The following PCCA variants were observed in gnomAD, a reference collection of about 807,000 sequenced individuals.
The protein encoded by PCCA is propionyl-CoA carboxylase alpha chain, mitochondrial.
In PCCA, 74 loss-of-function variants were observed where a neutral mutation model predicts 101.3. The observed-to-expected ratio is 0.73, with a 90% CI of 0.61 to 0.89. The LOEUF is 0.89. Ranked by LOEUF, PCCA falls within the 40% of genes least tolerant of loss-of-function variation. PCCA has a pLI of 0.00. For missense variants in PCCA, 891 were observed against 907.0 expected (o/e 0.98, Z 0.23); for synonymous variants, 294 against 313.6 (o/e 0.94, Z 0.66).
chr13:100,133,538 C>T (rs868760333), intron 4 of PCCA, among the ~76,000 whole-genome samples: 3 of 152,136 alleles, frequency 2.0e-5, no homozygotes, highest in Admixed American at 6.5e-5. Flanking sequence ...GATATGTGAT[C>T]CATCTTGAGT....
At chr13:100,495,064 C>T (rs989757509) in intron 21 of PCCA, among the ~76,000 whole-genome samples, 32 of 151,864 alleles carry the variant, frequency 2.1e-4, no homozygotes, top group Non-Finnish European at 5.9e-5. Context: ...CGGGCATATT[C>T]GGCAATGTCT....
intron 10 of PCCA, among the ~76,000 whole-genome samples, chr13:100,266,787 G>C (rs936852241): frequency 6.6e-6 from 1 of 151,936 alleles, no homozygotes; most frequent in Non-Finnish European, 1.5e-5. Flanking sequence ...GCATTTCCTG[G>C]GTTGGGTCTA....
At chr13:100,132,412 G>A (rs141794777) in intron 4 of PCCA, among the ~76,000 whole-genome samples, 2 of 141,452 alleles carry the variant, frequency 1.4e-5, no homozygotes, top group African/African-American at 2.7e-5. Flanking sequence ...TCCACACAGC[G>A]TGTAACCTTT....
chr13:100,431,844 TGACAGAGTGA>T lies in PCCA; in HGVS notation c.1845+6117_1845+6126del, dbSNP rs537485437. Among the ~76,000 whole-genome samples the T allele has an allele frequency of 4.2e-4, 63 of 150,682 alleles. 1 individual carries two copies. Among genetic ancestry groups the T allele is most frequent in the African/African-American group, 1.4e-3 (58 of 40,920 alleles). The stretch of plus-strand genomic sequence containing the variant: ...TCGCGCCACTGCACTCCAGCCTGGG[TGACAGAGTGA>T]GACTCCATCTCAAAAAAAATAATAA... On this transcript the variant is annotated intron_variant, in intron 20 of 23. Coordinates refer to ENST00000376285, the MANE Select transcript of PCCA (RefSeq NM_000282.4).
chr13:100,348,727 C>CTTT, intron 18 of PCCA, among the ~76,000 whole-genome samples: 1 of 99,620 alleles, frequency 1.0e-5, no homozygotes, highest in African/African-American at 3.9e-5. Context: ...CGTTTTTTTT[C>CTTT]CTTTCTTTCT....
chr13:100,218,489 T>C (rs2059641306), intron 7 of PCCA, among the ~76,000 whole-genome samples: 1 of 152,180 alleles, frequency 6.6e-6, no homozygotes, highest in African/African-American at 2.4e-5. Flanking sequence ...GCCATATGTC[T>C]GTTTTTTAAG....
rs1012159254 is a variant in PCCA at position 100,316,629 on chromosome 13, A to G, written c.1429+6721A>G. ...TTGTCATTAACTATTTCTGAAAACT[A>G]TATTGTATTTTACTGATGACAGAGT... On this transcript the variant is annotated intron_variant, in intron 16 of 23. Transcript: ENST00000376285. Among the ~76,000 whole-genome samples the G allele has an allele frequency of 2.6e-5, 4 of 152,158 alleles. No homozygotes were observed. In the East Asian group the frequency reaches 5.8e-4, roughly 22 times the overall value.
intron 6 of PCCA, among the ~76,000 whole-genome samples, chr13:100,162,023 C>A (rs986760478): frequency 6.6e-5 from 10 of 151,826 alleles, no homozygotes; most frequent in African/African-American, 2.4e-4. Context: ...CGAAACAAGA[C>A]CCCAATTTAA....
chr13:100,300,261 A>G (rs951518526), intron 12 of PCCA, among the ~76,000 whole-genome samples: 6 of 152,236 alleles, frequency 3.9e-5, no homozygotes, highest in Non-Finnish European at 8.8e-5. Flanking sequence ...AATTATGTCA[A>G]AATGTCTTAA....
chr13:100,301,974 A>G (rs1474836907), intron 13 of PCCA, among the ~76,000 whole-genome samples: 1 of 152,154 alleles, frequency 6.6e-6, no homozygotes, highest in African/African-American at 2.4e-5. Flanking sequence ...GGGTTTTTTA[A>G]AAAAATGCCC....
intron 18 of PCCA, among the ~76,000 whole-genome samples, chr13:100,347,896 C>A (rs1365028882): frequency 6.6e-6 from 1 of 152,114 alleles, no homozygotes; most frequent in African/African-American, 2.4e-5. Context: ...AATTGCTACA[C>A]CCTATAACAG....
At chr13:100,311,869 G>A (rs923145905) in intron 16 of PCCA, among the ~76,000 whole-genome samples, 10 of 152,122 alleles carry the variant, frequency 6.6e-5, no homozygotes, top group Non-Finnish European at 1.2e-4. Flanking sequence ...TTGAAAGACC[G>A]TTTTATGTAA....
intron 22 of PCCA, among the ~76,000 whole-genome samples, chr13:100,522,709 G>T (rs557247098): frequency 1.3e-5 from 2 of 152,090 alleles, no homozygotes; most frequent in Admixed American, 1.3e-4. Context: ...GTTACTCCCC[G>T]TCTGTTCCAA....
At chr13:100,409,196 G>C (rs773634034) in intron 19 of PCCA, among the ~76,000 whole-genome samples, 5 of 152,158 alleles carry the variant, frequency 3.3e-5, no homozygotes, top group African/African-American at 1.2e-4. Flanking sequence ...AGCAGCAGGC[G>C]GTGGGGGCAC....
At chr13:100,170,937 G>C (rs2055576293) in intron 6 of PCCA, among the ~76,000 whole-genome samples, 1 of 152,338 alleles carries the variant, frequency 6.6e-6, no homozygotes, top group Non-Finnish European at 1.5e-5. Context: ...AGTATGTTCT[G>C]TGGTACCTGG....
chr13:100,520,744 G>A (rs546826633), intron 22 of PCCA, among the ~76,000 whole-genome samples: 2 of 151,298 alleles, frequency 1.3e-5, no homozygotes, highest in South Asian at 2.1e-4. Flanking sequence ...ATATCTATTA[G>A]TACTGGGAAT....
chr13:100,422,113 T>TCTTCCTTC (rs1555454154), intron 19 of PCCA, among the ~76,000 whole-genome samples: 1 of 131,392 alleles, frequency 7.6e-6, no homozygotes, highest in Non-Finnish European at 1.6e-5. Flanking sequence ...TTTCTTTCTT[T>TCTTCCTTC]CTTTCTTTTC....
intron 6 of PCCA, among the ~76,000 whole-genome samples, chr13:100,165,416 C>T (rs1487501691): frequency 6.6e-6 from 1 of 152,134 alleles, no homozygotes; most frequent in Non-Finnish European, 1.5e-5. Flanking sequence ...TTGACAGTAT[C>T]TTCCTAACCA....
chr13:100,095,313 T>C (rs978469839), intron 1 of PCCA, among the ~76,000 whole-genome samples: 1 of 152,210 alleles, frequency 6.6e-6, no homozygotes, highest in Non-Finnish European at 1.5e-5. Context: ...TTCCAGGACG[T>C]GGACACATCA....
Sources: allele counts gnomAD v4.1 joint callset (sites outside exome capture counted in the v4.1 genomes callset), GRCh38; gene constraint gnomAD v4.1.1; transcripts MANE v1.5; gene names NCBI Gene and HGNC (gene_info 2026-07-23, HGNC 2026-07-21).